Variants in FLACC1 observed in about 807,000 individuals in gnomAD.
FLACC1 encodes flagellum associated containing coiled-coil domains 1.
A neutral mutation model predicts 62.8 loss-of-function variants in FLACC1; 66 were observed. That is an observed-to-expected ratio of 1.05 (90% CI 0.86 to 1.29). The LOEUF is 1.29. FLACC1 is among the 50% of genes most tolerant of loss of function. The probability of loss-of-function intolerance (pLI) is 0.00; values close to 1 mark genes in which losing one functional copy is unlikely to be tolerated. For synonymous variants in FLACC1, 156 were observed against 161.0 expected, an observed-to-expected ratio of 0.97 and a Z score of 0.24; for missense variants, 452 against 489.1, an observed-to-expected ratio of 0.92 and a Z score of 0.71.
chr2:201,306,664 G>A (rs1160921495), intron 11 of FLACC1, among the ~76,000 whole-genome samples: 1 of 152,062 alleles, frequency 6.6e-6, no homozygotes, highest in Non-Finnish European at 1.5e-5. Context: ...AACCATAAAA[G>A]TAAAAAAATG....
At chr2:201,332,770 G>A (rs1950620261) in intron 7 of FLACC1, among the ~76,000 whole-genome samples, 1 of 150,970 alleles carries the variant, frequency 6.6e-6, no homozygotes. Flanking sequence ...CTATGAGTTT[G>A]ATTGTTTCAG....
At chr2:201,332,631 T>G (rs1173823376) in intron 7 of FLACC1, among the ~76,000 whole-genome samples, 1 of 152,176 alleles carries the variant, frequency 6.6e-6, no homozygotes, top group Non-Finnish European at 1.5e-5. Context: ...CTATATTTAC[T>G]ACTCTGTGCA....
chr2:201,321,807 G>A (rs1415779666), intron 9 of FLACC1, among the ~76,000 whole-genome samples: 1 of 152,042 alleles, frequency 6.6e-6, no homozygotes, highest in Non-Finnish European at 1.5e-5. Context: ...CCTTACCCCA[G>A]GTAAGACCTC....
chr2:201,323,804 G>GAAAAAAAAAAAAAAAAAAAAAAAAA (rs1950451024), intron 9 of FLACC1, among the ~76,000 whole-genome samples: 1 of 54,922 alleles, frequency 1.8e-5, no homozygotes, highest in Non-Finnish European at 4.0e-5. Flanking sequence ...AAAAAAAAAA[G>GAAAAAAAAAAAAAAAAAAAAAAAAA]TAAGGAAGGA....
rs754611544 is a variant in FLACC1 at position 201,330,732 on chromosome 2, G to A, written c.622+4C>T. 4.3e-6 allele frequency: 7 copies of A among 1,613,618 alleles called. No individual in the cohort carries two copies. Among genetic ancestry groups the A allele is most frequent in the Non-Finnish European group, 5.9e-6 (7 of 1,179,772 alleles). ...AGGGTCATTCTCCCAGGTCCCAGCA[G>A]TACCTAGCTTCTCTTGGGCAGCCAA... On this transcript the variant is annotated splice_donor_region_variant and intron_variant, in intron 8 of 14. Coordinates refer to ENST00000392257, the MANE Select transcript of FLACC1 (RefSeq NM_001127391.3).
In FLACC1 at chr2:201,288,416, T is replaced by G; in HGVS notation, c.*239A>C. ...ATACGTCAAGGTAGAAGAAAAATAGTACAAAACTCAGAGAAAGCTCAGCTC... is the reference window on the plus strand; with the variant it reads ...ATACGTCAAGGTAGAAGAAAAATAGGACAAAACTCAGAGAAAGCTCAGCTC... On this transcript the variant is annotated 3_prime_UTR_variant, in exon 15 of 15. Transcript: ENST00000392257. The G allele has an allele frequency of 2.6e-6, 1 of 391,726 alleles. No individual in the cohort carries two copies. The highest frequency in any genetic ancestry group is 4.5e-6 in the Non-Finnish European group (1 of 222,586). 24.3% of individuals were successfully genotyped at this position (391,726 alleles called of 1,614,324 possible).
intron 12 of FLACC1, among the ~76,000 whole-genome samples, chr2:201,293,218 C>T (rs895416346): frequency 6.6e-6 from 1 of 152,210 alleles, no homozygotes; most frequent in Non-Finnish European, 1.5e-5. Flanking sequence ...ACAGAATATA[C>T]ATTCTTCTCA....
At chr2:201,309,915 A>AT (rs1950183716) in intron 9 of FLACC1, among the ~76,000 whole-genome samples, 1 of 143,702 alleles carries the variant, frequency 7.0e-6, no homozygotes, top group Non-Finnish European at 1.5e-5. Flanking sequence ...CAAAAAAAAA[A>AT]AAAAAAAAAA....
chr2:201,340,924 T>A (rs1311495986), intron 7 of FLACC1, among the ~76,000 whole-genome samples: 1 of 152,210 alleles, frequency 6.6e-6, no homozygotes, highest in Non-Finnish European at 1.5e-5. Context: ...TAATACATCA[T>A]CACACTGACT....
At chr2:201,305,258 C>G (rs557103742) in intron 11 of FLACC1, among the ~76,000 whole-genome samples, 2 of 152,270 alleles carry the variant, frequency 1.3e-5, no homozygotes, top group East Asian at 1.9e-4. Context: ...ACAACCCCAT[C>G]AACAAGTGGG....
intron 11 of FLACC1, among the ~76,000 whole-genome samples, chr2:201,303,166 A>C (rs1034323320): frequency 2.0e-4 from 30 of 152,202 alleles, no homozygotes; most frequent in Admixed American, 1.2e-3. Flanking sequence ...AGATCAACAA[A>C]ATTGATAGAC....
At chr2:201,323,590 C>G (rs1053940518) in intron 9 of FLACC1, among the ~76,000 whole-genome samples, 1 of 151,802 alleles carries the variant, frequency 6.6e-6, no homozygotes, top group African/African-American at 2.4e-5. Flanking sequence ...GAAATGCTAC[C>G]AGCCTGGCCA....
rs1408959036 is a variant in FLACC1, at chr2:201,344,228, G to A, written c.404C>T (p.Ser135Leu). 3 of 1,613,838 alleles carry A rather than the reference G, an allele frequency of 1.9e-6. No homozygotes were observed. The highest frequency in any genetic ancestry group is 2.5e-6 in the Non-Finnish European group (3 of 1,179,896). The stretch of plus-strand genomic sequence containing the variant: ...TTGTTCAATTATTGCTGTCAGCTCT[G>A]AGATTTGCTCTTCTAGGTCAGAAAT... ...NIISDLEEQI[S>L]ELTAIIEQMN... Residue 135 changes from serine (S) to leucine (L), a missense_variant, in exon 6 of 15, where the codon TCA becomes TTA. Coordinates refer to ENST00000392257, the MANE Select transcript of FLACC1 (RefSeq NM_001127391.3).
In FLACC1 at chr2:201,357,281, A is replaced by G. The variant is rs779529859; in HGVS notation, c.-347T>C. The stretch of plus-strand genomic sequence containing the variant: ...ACAGTTGAAGTTTCTCAGTATTGCA[A>G]TGAAATTAAACTAGAGGAGAAGGTC... On this transcript the variant is annotated 5_prime_UTR_variant, in exon 1 of 15. Coordinates refer to ENST00000392257, the MANE Select transcript of FLACC1 (RefSeq NM_001127391.3). The G allele has an allele frequency of 2.0e-5, 3 of 152,382 alleles. No individual in the cohort carries two copies. Among genetic ancestry groups the G allele is most frequent in the East Asian group, 1.9e-4 (1 of 5,194 alleles). 9.4% of individuals were successfully genotyped at this position (152,382 alleles called of 1,614,324 possible).
intron 11 of FLACC1, among the ~76,000 whole-genome samples, chr2:201,304,485 T>C (rs1233523300): frequency 1.3e-5 from 2 of 152,084 alleles, no homozygotes; most frequent in Non-Finnish European, 2.9e-5. Context: ...AGAATCAATA[T>C]CGTGAAAATG....
upstream of FLACC1, among the ~76,000 whole-genome samples, chr2:201,358,099 T>G (rs553450301): frequency 6.6e-6 from 1 of 152,352 alleles, no homozygotes; most frequent in South Asian, 2.1e-4. Context: ...TCACTCAACT[T>G]CACATTTGTT....
At chr2:201,320,637 G>A (rs932235196) in intron 9 of FLACC1, among the ~76,000 whole-genome samples, 1 of 152,180 alleles carries the variant, frequency 6.6e-6, no homozygotes, top group African/African-American at 2.4e-5. Flanking sequence ...CCAGTGGCCT[G>A]AGAACCACTC....
chr2:201,351,890 G>A (rs1412495615), intron 1 of FLACC1: 1 of 153,440 alleles, frequency 6.5e-6, no homozygotes, highest in Non-Finnish European at 1.5e-5. Context: ...GTTGCAGTGA[G>A]CTGAGATTGT....
At chr2:201,319,039 A>C (rs1451202560) in intron 9 of FLACC1, among the ~76,000 whole-genome samples, 1 of 152,210 alleles carries the variant, frequency 6.6e-6, no homozygotes, top group Non-Finnish European at 1.5e-5. Flanking sequence ...ACAAATCACC[A>C]CTAAAGTACT....
Sources: gnomAD v4.1 joint callset for allele counts (sites outside exome capture counted in the v4.1 genomes callset) on GRCh38, gnomAD v4.1.1 for gene constraint, MANE v1.5 for transcripts, NCBI Gene and HGNC (gene_info 2026-07-23, HGNC 2026-07-21) for gene names.